Variants in ZMIZ1 observed in about 807,000 individuals in gnomAD.
ZMIZ1 encodes the protein zinc finger MIZ domain-containing protein 1.
Under a neutral mutation model 113.9 loss-of-function variants are expected in ZMIZ1, and 17 were observed. The observed-to-expected ratio is 0.15, with a 90% CI of 0.10 to 0.22. The LOEUF (loss-of-function observed/expected upper bound fraction) is 0.22. Ranked by LOEUF, ZMIZ1 falls within the 10% of genes least tolerant of loss-of-function variation. ZMIZ1 has a pLI of 1.00. For synonymous variants in ZMIZ1, 607 were observed against 603.1 expected (o/e 1.01, Z -0.09); for missense variants, 1,059 against 1,477.8 (o/e 0.72, Z 4.65).
In ZMIZ1 at chr10:79,296,533, C is replaced by T; in HGVS notation, c.1293C>T (p.Tyr431=). The change falls in exon 13 of 25, where the codon TAC becomes TAT. Residue 431 remains tyrosine, a synonymous_variant. Coordinates refer to ENST00000334512, the MANE Select transcript of ZMIZ1 (RefSeq NM_020338.4). The surrounding 1 kb of genome is among the most constrained non-coding windows in gnomAD (Gnocchi z 4.1). ...NSQFPTQPGQ[Y]PAPNPPRPLT... is the part of the protein sequence containing the mutation. ...AGTTCCCCACCCAGCCAGGCCAGTACCCAGCCCCCAACCCCCCGAGGCCAC... is the reference window on the plus strand; with the variant it reads ...AGTTCCCCACCCAGCCAGGCCAGTATCCAGCCCCCAACCCCCCGAGGCCAC... 1 of 1,613,674 alleles carries T rather than the reference C, an allele frequency of 6.2e-7. No individual in the cohort carries two copies. Among genetic ancestry groups the T allele is most frequent in the African/African-American group, 1.3e-5 (1 of 74,954 alleles).
intron 9 of ZMIZ1, among the ~76,000 whole-genome samples, chr10:79,290,304 A>G (rs1186112608): frequency 6.6e-6 from 1 of 152,008 alleles, no homozygotes; most frequent in Non-Finnish European, 1.5e-5. Flanking sequence ...CCTACTCCCC[A>G]TTGCCCTAGT....
chr10:79,249,710 C>T (rs1850427001), intron 7 of ZMIZ1, among the ~76,000 whole-genome samples: 1 of 152,144 alleles, frequency 6.6e-6, no homozygotes, highest in African/African-American at 2.4e-5. Flanking sequence ...GTGGAATGTT[C>T]CCATCATGGT....
intron 4 of ZMIZ1, among the ~76,000 whole-genome samples, chr10:79,174,273 A>T (rs1174446423): frequency 6.6e-6 from 1 of 152,100 alleles, no homozygotes; most frequent in East Asian, 1.9e-4. Flanking sequence ...GACACCGGGG[A>T]CACACAGCTC....
At chr10:79,109,301 T>A (rs1447715134) in intron 1 of ZMIZ1, among the ~76,000 whole-genome samples, 1 of 152,236 alleles carries the variant, frequency 6.6e-6, no homozygotes, top group African/African-American at 2.4e-5. Flanking sequence ...GGCATGCAAC[T>A]GCCGCCTCAT....
chr10:79,146,866 T>C (rs1047647671), intron 3 of ZMIZ1, among the ~76,000 whole-genome samples: 1 of 152,174 alleles, frequency 6.6e-6, no homozygotes, highest in Non-Finnish European at 1.5e-5. Flanking sequence ...GGGCAGCCGG[T>C]CACTTGTCCT....
chr10:79,199,289 C>A (rs149682328), intron 4 of ZMIZ1, among the ~76,000 whole-genome samples: 4,340 of 152,198 alleles, frequency 0.029, 206 homozygotes, highest in African/African-American at 0.099. Flanking sequence ...AGGGGAATCA[C>A]GAGATCAGGA....
chr10:79,201,260 A>T (rs559990287), intron 4 of ZMIZ1, among the ~76,000 whole-genome samples: 40 of 152,314 alleles, frequency 2.6e-4, no homozygotes, highest in Non-Finnish European at 4.9e-4. Flanking sequence ...ATGAGCCGAG[A>T]TCGCGCCATT....
At chr10:79,201,465 C>G in intron 4 of ZMIZ1, 119 bp from the exon 5 acceptor site, 1 of 744,658 alleles carries the variant, frequency 1.3e-6, no homozygotes, top group Non-Finnish European at 2.3e-6. Context: ...TGCAGCCCCA[C>G]AGGGCCCAGC....
intron 6 of ZMIZ1, among the ~76,000 whole-genome samples, chr10:79,215,002 C>A (rs1848665768): frequency 6.6e-6 from 1 of 152,080 alleles, no homozygotes; most frequent in Non-Finnish European, 1.5e-5. Flanking sequence ...GATGGCCCTC[C>A]CAGTCTGCCG....
intron 1 of ZMIZ1, among the ~76,000 whole-genome samples, chr10:79,107,918 G>A (rs1843615890): frequency 6.6e-6 from 1 of 152,116 alleles, no homozygotes; most frequent in Admixed American, 6.5e-5. Flanking sequence ...CCCTGGCATG[G>A]GGTAATTGTC....
intron 7 of ZMIZ1, among the ~76,000 whole-genome samples, chr10:79,234,643 A>G (rs1016243047): frequency 6.6e-6 from 1 of 152,194 alleles, no homozygotes; most frequent in African/African-American, 2.4e-5. Flanking sequence ...TTAACAGATA[A>G]ACCACAAATA....
At chr10:79,201,185 G>C (rs1564715823) in intron 4 of ZMIZ1, among the ~76,000 whole-genome samples, 1 of 152,186 alleles carries the variant, frequency 6.6e-6, no homozygotes, top group Non-Finnish European at 1.5e-5. Flanking sequence ...GTAGACACCT[G>C]TATTCCCAGC....
chr10:79,185,430 C>T (rs1847311455), intron 4 of ZMIZ1, among the ~76,000 whole-genome samples: 1 of 152,160 alleles, frequency 6.6e-6, no homozygotes, highest in Admixed American at 6.5e-5. Flanking sequence ...CTTATTTATC[C>T]TCCTCCCATG....
intron 7 of ZMIZ1, among the ~76,000 whole-genome samples, chr10:79,230,098 GGAGGCTCCGGCC>G (rs1849335419): frequency 6.6e-6 from 1 of 152,096 alleles, no homozygotes; most frequent in Non-Finnish European, 1.5e-5. Flanking sequence ...GGTTGCCCTG[GGAGGCTCCGGCC>G]GAGCAAAACA....
intron 23 of ZMIZ1, 83 bp from the exon 24 acceptor site, chr10:79,310,841 T>A (rs1589622358): frequency 1.4e-6 from 2 of 1,461,376 alleles, no homozygotes; most frequent in East Asian, 4.9e-5. Context: ...TCCCTGGTTG[T>A]GTTGGGTTTC....
At chr10:79,077,233 T>A (rs1217461092) in intron 1 of ZMIZ1, among the ~76,000 whole-genome samples, 1 of 152,168 alleles carries the variant, frequency 6.6e-6, no homozygotes, top group African/African-American at 2.4e-5. Context: ...CCGGTGGACC[T>A]TGACCGCCGC....
In ZMIZ1 at chr10:79,312,836, C is replaced by T; in HGVS notation, c.*87C>T. 3 of 1,315,872 alleles carry T rather than the reference C, an allele frequency of 2.3e-6. No individual in the cohort carries two copies. The highest frequency in any genetic ancestry group is 2.5e-5 in the South Asian group (2 of 81,498). The allele number at this position is 1,315,872 out of a possible 1,614,324, so 81.5% of individuals were successfully genotyped here. On this transcript the variant is annotated 3_prime_UTR_variant, in exon 25 of 25. Coordinates refer to ENST00000334512, the MANE Select transcript of ZMIZ1 (RefSeq NM_020338.4). ...TTTTCCACCTGGGAGCCTGTGCCCT[C>T]AGACCGCCCCGCACCAGAGCCACGG... is the stretch of plus-strand genomic sequence containing the variant.
intron 7 of ZMIZ1, among the ~76,000 whole-genome samples, chr10:79,272,538 T>C (rs1852011245): frequency 1.3e-5 from 2 of 152,020 alleles, no homozygotes; most frequent in Non-Finnish European, 2.9e-5. Flanking sequence ...TCATCTTAAG[T>C]GGTTTGGACT....
rs113227108 is a variant in ZMIZ1, at chr10:79,117,018, T to G, written c.-336-1897T>G. Among the ~76,000 whole-genome samples the G allele has an allele frequency of 5.5e-3, 844 of 152,348 alleles. 5 individuals are homozygous for G. Among genetic ancestry groups the G allele is most frequent in the African/African-American group, 0.019 (795 of 41,574 alleles). On this transcript the variant is annotated intron_variant, in intron 1 of 24. Coordinates refer to ENST00000334512, the MANE Select transcript of ZMIZ1 (RefSeq NM_020338.4). ...TCATGTGACTCCAGTCACGTTTGAG[T>G]GTCTGCTGGACTGGAAGGTCCAGAT...
Sources: allele counts gnomAD v4.1 joint callset (sites outside exome capture counted in the v4.1 genomes callset), GRCh38; gene constraint gnomAD v4.1.1; non-coding constraint Gnocchi (gnomAD v3.1); transcripts MANE v1.5; gene names NCBI Gene and HGNC (gene_info 2026-07-23, HGNC 2026-07-21).